The following TMEM178B variants were observed in gnomAD, a reference collection of about 807,000 sequenced individuals.
The protein encoded by TMEM178B is transmembrane protein 178B.
A neutral mutation model predicts 31.0 loss-of-function variants in TMEM178B; 5 were observed. The ratio of observed to expected loss-of-function variants is 0.16; its 90% CI spans 0.08 to 0.34. TMEM178B has a LOEUF of 0.34. TMEM178B is among the 10% of genes least tolerant of loss of function. The pLI, the probability that TMEM178B is intolerant of heterozygous loss-of-function variation, is 1.00. For missense variants in TMEM178B, 275 were observed against 400.3 expected (o/e 0.69, Z 2.67); for synonymous variants, 164 against 164.0 (o/e 1.00, Z 0.00).
intron 1 of TMEM178B, among the ~76,000 whole-genome samples, chr7:141,091,645 TAAC>T (rs1481117723): frequency 6.6e-6 from 1 of 152,186 alleles, no homozygotes; most frequent in Non-Finnish European, 1.5e-5. Flanking sequence ...CATTTAGGAA[TAAC>T]AACAAGAATA....
chr7:141,199,421 T>A (rs1796839485), intron 1 of TMEM178B, among the ~76,000 whole-genome samples: 1 of 152,222 alleles, frequency 6.6e-6, no homozygotes, highest in Non-Finnish European at 1.5e-5. Flanking sequence ...AATGCAATGA[T>A]AAGGCAGAGG....
At chr7:141,354,829 TTC>T (rs1799791356) in intron 2 of TMEM178B, among the ~76,000 whole-genome samples, 1 of 152,230 alleles carries the variant, frequency 6.6e-6, no homozygotes, top group Non-Finnish European at 1.5e-5. Flanking sequence ...TGCACTGAGT[TTC>T]TCTCTTTCCT....
chr7:141,333,961 T>C (rs567176239), intron 2 of TMEM178B, among the ~76,000 whole-genome samples: 2 of 152,324 alleles, frequency 1.3e-5, no homozygotes, highest in African/African-American at 4.8e-5. Flanking sequence ...CCTGCCCACC[T>C]GCAGCTCACC....
At chr7:141,166,370 A>G (rs574021090) in intron 1 of TMEM178B, among the ~76,000 whole-genome samples, 81 of 152,336 alleles carry the variant, frequency 5.3e-4, no homozygotes, top group South Asian at 3.1e-3. Context: ...CGGAATCCCA[A>G]TGGAGGAATC....
At chr7:141,275,282 C>T (rs991711727) in intron 2 of TMEM178B, among the ~76,000 whole-genome samples, 1 of 152,166 alleles carries the variant, frequency 6.6e-6, no homozygotes. Flanking sequence ...AGGCTCTACC[C>T]AAGTGTAGTA....
chr7:141,435,997 C>T (rs1189161843), intron 2 of TMEM178B, among the ~76,000 whole-genome samples: 2 of 152,154 alleles, frequency 1.3e-5, no homozygotes, highest in Admixed American at 1.3e-4. Context: ...CTCCTGTGCC[C>T]CGTCTCTCCC....
intron 1 of TMEM178B, among the ~76,000 whole-genome samples, chr7:141,120,123 A>T (rs980924820): frequency 6.6e-6 from 1 of 152,214 alleles, no homozygotes; most frequent in Non-Finnish European, 1.5e-5. Context: ...TAGTGAGGCG[A>T]TATCAACAGT....
At chr7:141,363,859 C>T (rs750617663) in intron 2 of TMEM178B, among the ~76,000 whole-genome samples, 1 of 151,180 alleles carries the variant, frequency 6.6e-6, no homozygotes, top group African/African-American at 2.4e-5. Context: ...CACTGCACTT[C>T]AGCCTAAGCA....
At position 141,422,191 on chromosome 7, in the gene TMEM178B, A is replaced by G. The variant is rs994751930; in HGVS notation, c.497-15417A>G. 6.6e-6 allele frequency among the ~76,000 whole-genome samples: 1 copy of G among 152,206 alleles called. No individual in the cohort carries two copies. The highest frequency in any genetic ancestry group is 3.2e-3 in the Middle Eastern group (1 of 316). ...GGGCTGCGGTTGGTGAAAGGAGGAC[A>G]GGTAAAAGGCCAAGGCTCTGACTTG... On this transcript the variant is annotated intron_variant, in intron 2 of 3. Transcript: ENST00000565468. This position sits in a 1 kb window ranked among gnomAD's most constrained non-coding sequence, Gnocchi z 4.2.
At chr7:141,232,825 C>A (rs1053222505) in intron 2 of TMEM178B, among the ~76,000 whole-genome samples, 32 of 152,102 alleles carry the variant, frequency 2.1e-4, no homozygotes, top group African/African-American at 7.7e-4. Flanking sequence ...GCCCTGAGCC[C>A]CCTGCTACAA....
At chr7:141,419,472 C>T (rs779934957) in intron 2 of TMEM178B, among the ~76,000 whole-genome samples, 2 of 152,202 alleles carry the variant, frequency 1.3e-5, no homozygotes, top group African/African-American at 4.8e-5. Flanking sequence ...CAACCCTGTT[C>T]TCTGCTATAG....
the TMEM178B span, among the ~76,000 whole-genome samples, chr7:141,502,040 G>T: frequency 1.3e-5 from 2 of 152,166 alleles, no homozygotes; most frequent in Admixed American, 6.5e-5. Context: ...TTCTGAGTTG[G>T]TCTGTCCACC....
At chr7:141,291,259 C>T (rs2116421697) in intron 2 of TMEM178B, among the ~76,000 whole-genome samples, 1 of 152,220 alleles carries the variant, frequency 6.6e-6, no homozygotes, top group East Asian at 1.9e-4. Flanking sequence ...GTTGTCTCTC[C>T]TATTTTAGGA....
At chr7:141,147,091 G>C (rs1284612088) in intron 1 of TMEM178B, among the ~76,000 whole-genome samples, 1 of 152,182 alleles carries the variant, frequency 6.6e-6, no homozygotes, top group Non-Finnish European at 1.5e-5. Flanking sequence ...TGTCTTATAT[G>C]GAGGGGTGCT....
At chr7:141,454,098 AT>A (rs2116708219) in intron 3 of TMEM178B, among the ~76,000 whole-genome samples, 1 of 152,250 alleles carries the variant, frequency 6.6e-6, no homozygotes, top group African/African-American at 2.4e-5. Context: ...CCCAGGCACA[AT>A]TTATTTAAAA....
At chr7:141,466,758 C>T (rs1286485706) in intron 3 of TMEM178B, among the ~76,000 whole-genome samples, 1 of 152,170 alleles carries the variant, frequency 6.6e-6, no homozygotes, top group Non-Finnish European at 1.5e-5. Context: ...TTGAACATCC[C>T]AAGGGTGGCT....
intron 2 of TMEM178B, among the ~76,000 whole-genome samples, chr7:141,382,709 A>G (rs992832137): frequency 6.6e-6 from 1 of 152,226 alleles, no homozygotes; most frequent in Non-Finnish European, 1.5e-5. Context: ...CACTTTATGC[A>G]TGTTAATATT....
chr7:141,245,221 C>T (rs1293225580), intron 2 of TMEM178B, among the ~76,000 whole-genome samples: 1 of 104,324 alleles, frequency 9.6e-6, no homozygotes, highest in Non-Finnish European at 1.8e-5. Flanking sequence ...GAAGGATGCA[C>T]AGGGGAGGTA....
At chr7:141,078,415 A>G (rs377472654) in intron 1 of TMEM178B, among the ~76,000 whole-genome samples, 4 of 152,344 alleles carry the variant, frequency 2.6e-5, no homozygotes, top group South Asian at 4.1e-4. Context: ...GTGGTTGTCA[A>G]TACTCCAAAA....
Sources: allele counts gnomAD v4.1 joint callset (sites outside exome capture counted in the v4.1 genomes callset), GRCh38; gene constraint gnomAD v4.1.1; non-coding constraint Gnocchi (gnomAD v3.1); transcripts MANE v1.5; gene names NCBI Gene and HGNC (gene_info 2026-07-23, HGNC 2026-07-21).